Variants in FBLN5 observed in about 807,000 individuals in gnomAD.
FBLN5 encodes the protein fibulin 5, also known as fibulin-5.
In FBLN5, 24 loss-of-function variants were observed where a neutral mutation model predicts 61.6. The observed-to-expected ratio is 0.39, with a 90% CI of 0.28 to 0.55. The LOEUF (loss-of-function observed/expected upper bound fraction) is 0.55. Ranked by LOEUF, FBLN5 falls within the 20% of genes least tolerant of loss-of-function variation. The probability of loss-of-function intolerance (pLI) is 0.65; values close to 1 mark genes in which losing one functional copy is unlikely to be tolerated. For missense variants in FBLN5, 470 were observed against 594.1 expected (o/e 0.79, Z 2.17); for synonymous variants, 213 against 219.8 (o/e 0.97, Z 0.27).
At chr14:91,883,979 T>A (rs1226067007) in intron 7 of FBLN5, among the ~76,000 whole-genome samples, 1 of 152,256 alleles carries the variant, frequency 6.6e-6, no homozygotes, top group East Asian at 1.9e-4. Flanking sequence ...TCGATAAGCA[T>A]GCCAAAGAAA....
intron 4 of FBLN5, among the ~76,000 whole-genome samples, chr14:91,921,726 T>C (rs566614190): frequency 6.6e-6 from 1 of 152,132 alleles, no homozygotes; most frequent in African/African-American, 2.4e-5. Context: ...AGGGGTGCCA[T>C]CTGAACTGAG....
intron 6 of FBLN5, among the ~76,000 whole-genome samples, chr14:91,887,733 G>A (rs187660933): frequency 4.8e-4 from 73 of 152,200 alleles, no homozygotes; most frequent in African/African-American, 1.7e-3. Flanking sequence ...AAATAACCAT[G>A]ATGATTCTAA....
intron 4 of FBLN5, among the ~76,000 whole-genome samples, chr14:91,936,407 G>C (rs564181585): frequency 6.6e-6 from 1 of 152,176 alleles, no homozygotes; most frequent in Non-Finnish European, 1.5e-5. Context: ...GTTCCTATCA[G>C]TGAGGCTCCT....
chr14:91,920,289 T>C (rs2055712072), intron 4 of FBLN5, among the ~76,000 whole-genome samples: 2 of 152,226 alleles, frequency 1.3e-5, no homozygotes, highest in Admixed American at 1.3e-4. Flanking sequence ...TCAAATTCAT[T>C]CAATGTACAA....
intron 8 of FBLN5, 129 bp from the exon 9 acceptor site, chr14:91,881,547 G>T: frequency 1.0e-6 from 1 of 970,366 alleles, no homozygotes; most frequent in Non-Finnish European, 1.6e-6. Context: ...GCCATATGTG[G>T]CTACTGAGTA....
In FBLN5 at chr14:91,887,176, A is replaced by G. The variant is rs1368182840; in HGVS notation, c.739+17T>C. On this transcript the variant is annotated intron_variant, in intron 7 of 10. Transcript: ENST00000342058. ...CCCCAAGTACAGGTGGAAGTTTCCAATGCGAAAGCCCATTACCACTGCAAT... is the reference window on the plus strand; with the variant it reads ...CCCCAAGTACAGGTGGAAGTTTCCAGTGCGAAAGCCCATTACCACTGCAAT... The G allele has an allele frequency of 1.9e-6, 3 of 1,613,806 alleles. No homozygotes were observed. The highest frequency in any genetic ancestry group is 2.2e-5 in the South Asian group (2 of 91,066).
intron 9 of FBLN5, among the ~76,000 whole-genome samples, chr14:91,880,367 C>T (rs552420994): frequency 6.6e-6 from 1 of 152,286 alleles, no homozygotes; most frequent in South Asian, 2.1e-4. Flanking sequence ...TAGAAGCCAA[C>T]CTCTGAAAGA....
intron 4 of FBLN5, among the ~76,000 whole-genome samples, chr14:91,899,156 G>GTA (rs1290906242): frequency 2.0e-5 from 3 of 151,976 alleles, no homozygotes; most frequent in South Asian, 4.2e-4. Context: ...GTGTGTGTGT[G>GTA]TGTGTGTCCT....
chr14:91,910,395 C>T (rs77784449), intron 4 of FBLN5, among the ~76,000 whole-genome samples: 12,159 of 152,178 alleles, frequency 0.08, 625 homozygotes, highest in Non-Finnish European at 0.12. Flanking sequence ...GAGAAAGTTG[C>T]TTAATAGATA....
intron 10 of FBLN5, among the ~76,000 whole-genome samples, chr14:91,875,341 A>G (rs887974370): frequency 2.6e-5 from 4 of 152,170 alleles, no homozygotes; most frequent in African/African-American, 4.8e-5. Flanking sequence ...TGATGTTGAC[A>G]TCCTGAAAGG....
chr14:91,919,342 A>G (rs1393866834), intron 4 of FBLN5, among the ~76,000 whole-genome samples: 2 of 109,518 alleles, frequency 1.8e-5, no homozygotes, highest in African/African-American at 6.5e-5. Context: ...AAAAAAAGAA[A>G]AAAAAAAAGA....
chr14:91,895,156 G>T, intron 4 of FBLN5, 84 bp from the exon 5 acceptor site: 2 of 1,556,710 alleles, frequency 1.3e-6, no homozygotes, highest in East Asian at 2.3e-5. Flanking sequence ...GGCTCATCTT[G>T]GCTGGGAGGC....
chr14:91,894,114 T>C (rs1197211169), intron 5 of FBLN5, among the ~76,000 whole-genome samples: 2 of 152,160 alleles, frequency 1.3e-5, no homozygotes, highest in Non-Finnish European at 2.9e-5. Context: ...AAAATATATT[T>C]GAGGCTGGGC....
At chr14:91,928,898 A>G (rs982378275) in intron 4 of FBLN5, among the ~76,000 whole-genome samples, 6 of 151,672 alleles carry the variant, frequency 4.0e-5, no homozygotes, top group African/African-American at 1.5e-4. Flanking sequence ...CTCTACTAAA[A>G]ATACAAAAAA....
chr14:91,882,859 G>T lies in FBLN5; in HGVS notation c.862+95C>A. On this transcript the variant is annotated intron_variant, in intron 8 of 10. Transcript: ENST00000342058. The surrounding 1 kb of genome is among the most constrained non-coding windows in gnomAD (Gnocchi z 4.9). ...CCACCCCTGCCACCTTCCCAAAGCT[G>T]CACATGATTCCCCAGGTGAGGATAT... 1 of 1,446,958 alleles carries T rather than the reference G, an allele frequency of 6.9e-7. No homozygotes were observed. Among genetic ancestry groups the T allele is most frequent in the Non-Finnish European group, 9.6e-7 (1 of 1,047,092 alleles). 89.6% of individuals were successfully genotyped at this position (1,446,958 alleles called of 1,614,324 possible).
chr14:91,912,950 T>A (rs912574526), intron 4 of FBLN5, among the ~76,000 whole-genome samples: 7 of 152,174 alleles, frequency 4.6e-5, no homozygotes, highest in Non-Finnish European at 8.8e-5. Flanking sequence ...CATCCATCCA[T>A]TCATCCATTC....
At chr14:91,912,415 T>A (rs1890986364) in intron 4 of FBLN5, among the ~76,000 whole-genome samples, 1 of 151,938 alleles carries the variant, frequency 6.6e-6, no homozygotes, top group Non-Finnish European at 1.5e-5. Flanking sequence ...GAGACCGAGG[T>A]GGGCAGATCA....
At position 91,918,698 on chromosome 14, in the gene FBLN5, T is replaced by A. The variant is rs1234415404; in HGVS notation, c.379+18249A>T. On this transcript the variant is annotated intron_variant, in intron 4 of 10. Transcript: ENST00000342058. ...TTGCTGTTGCTGTTTTCTAACAACC[T>A]CATCTTCCTGTTTATCCAGCACTTA... is the stretch of plus-strand genomic sequence containing the variant. 2.0e-5 allele frequency among the ~76,000 whole-genome samples: 3 copies of A among 152,186 alleles called. No individual in the cohort carries two copies. The South Asian group carries it at 6.2e-4, about 32-fold the overall frequency.
Position 91,894,432 on chromosome 14 carries a change from A to G in FBLN5, c.502+518T>C, listed in dbSNP as rs1228191205. ...AAAAAAAAAAAAAAAAAAAAACCGA[A>G]AAAAACCATTCAAGGCCGTGCGTGG... On this transcript the variant is annotated intron_variant, in intron 5 of 10. Coordinates refer to ENST00000342058, the MANE Select transcript of FBLN5 (RefSeq NM_006329.4). Among the ~76,000 whole-genome samples, 3 of 133,826 alleles carry G rather than the reference A, an allele frequency of 2.2e-5. No individual in the cohort carries two copies. In the Admixed American group the frequency reaches 2.4e-4, roughly 11 times the overall value. The allele number at this position is 133,826 out of a possible 152,430, so 87.8% of individuals were successfully genotyped here.
Sources: allele counts gnomAD v4.1 joint callset (sites outside exome capture counted in the v4.1 genomes callset), GRCh38; gene constraint gnomAD v4.1.1; non-coding constraint Gnocchi (gnomAD v3.1); transcripts MANE v1.5; gene names NCBI Gene and HGNC (gene_info 2026-07-23, HGNC 2026-07-21).